The following ACCSL variants were observed in gnomAD, a reference collection of about 807,000 sequenced individuals.
The protein encoded by ACCSL is 1-aminocyclopropane-1-carboxylate synthase homolog (inactive) like.
ACCSL carries 55 observed loss-of-function variants against 61.7 expected under a neutral mutation model. The observed-to-expected ratio is 0.89, with a 90% CI of 0.72 to 1.12. ACCSL has a LOEUF of 1.12. Among genes scored for constraint, ACCSL ranks in the 50% most tolerant of loss-of-function variants. ACCSL has a pLI of 0.00. For synonymous variants in ACCSL, 258 were observed against 264.3 expected (o/e 0.98, Z 0.23); for missense variants, 632 against 698.0 (o/e 0.91, Z 1.07).
chr11:44,055,224 G>A lies in ACCSL; in HGVS notation c.1072G>A (p.Asp358Asn). The A allele has an allele frequency of 6.2e-7, 1 of 1,611,764 alleles. No individual in the cohort carries two copies. Among genetic ancestry groups the A allele is most frequent in the South Asian group, 1.1e-5 (1 of 90,828 alleles). ...CAGGTATAACCTACATGTGATCATA[G>A]ATGAGATTTACATGCTGTCTGTGTT... ...AKRYNLHVIIDEIYMLSVFDE... is the reference protein window; with the variant it reads ...AKRYNLHVIINEIYMLSVFDE... Residue 358 changes from aspartate (D) to asparagine (N), a missense_variant, in exon 9 of 14, where the codon GAT becomes AAT. Transcript: ENST00000378832.
intron 5 of ACCSL, among the ~76,000 whole-genome samples, chr11:44,052,348 C>T (rs1012140358): frequency 3.3e-5 from 5 of 152,200 alleles, no homozygotes; most frequent in African/African-American, 1.2e-4. Context: ...TGAGACTTTC[C>T]TGATAACCAT....
At chr11:43,968,818 G>T in the ACCSL span, among the ~76,000 whole-genome samples, 1 of 152,152 alleles carries the variant, frequency 6.6e-6, no homozygotes, top group Non-Finnish European at 1.5e-5. Context: ...TCAGCTTTGT[G>T]CAGGAAGTAG....
At chr11:43,977,711 G>C in the ACCSL span, among the ~76,000 whole-genome samples, 2 of 152,220 alleles carry the variant, frequency 1.3e-5, no homozygotes, top group African/African-American at 2.4e-5. Context: ...CAGGCATCCT[G>C]CCTAAAGATC....
chr11:44,032,928 G>T, the ACCSL span, among the ~76,000 whole-genome samples: 1 of 152,210 alleles, frequency 6.6e-6, no homozygotes, highest in Non-Finnish European at 1.5e-5. Context: ...CGCGGGTGGA[G>T]ACTTCTCTAC....
chr11:43,939,223 T>C, the ACCSL span, among the ~76,000 whole-genome samples: 1 of 152,220 alleles, frequency 6.6e-6, no homozygotes, highest in East Asian at 1.9e-4. Flanking sequence ...AGGTGACATT[T>C]GCAATAAATA....
chr11:43,953,161 C>A, the ACCSL span, among the ~76,000 whole-genome samples: 1 of 152,286 alleles, frequency 6.6e-6, no homozygotes, highest in East Asian at 1.9e-4. Flanking sequence ...ATCAGGCATT[C>A]TTTGTTACAG....
the ACCSL span, among the ~76,000 whole-genome samples, chr11:43,996,753 A>G: frequency 0.86 from 129,737 of 151,554 alleles, 55,650 homozygotes; most frequent in African/African-American, 0.91. Context: ...CTCAGCTGGG[A>G]CAGCTTTGAT....
At chr11:44,016,242 C>G in the ACCSL span, among the ~76,000 whole-genome samples, 1 of 152,262 alleles carries the variant, frequency 6.6e-6, no homozygotes, top group African/African-American at 2.4e-5. Flanking sequence ...GGACACAGAT[C>G]CTGCAGCATT....
chr11:43,988,644 G>GGGGTCTGTAA, the ACCSL span, among the ~76,000 whole-genome samples: 2 of 152,090 alleles, frequency 1.3e-5, no homozygotes, highest in East Asian at 3.9e-4. Flanking sequence ...CTAAGCTGCT[G>GGGGTCTGTAA]GGGTCTGTCA....
chr11:44,037,903 C>T, the ACCSL span, among the ~76,000 whole-genome samples: 2 of 151,922 alleles, frequency 1.3e-5, no homozygotes, highest in African/African-American at 4.8e-5. Context: ...ATCCATCCAT[C>T]CATCCACTTG....
the ACCSL span, among the ~76,000 whole-genome samples, chr11:43,950,939 TAAA>T: frequency 6.6e-6 from 1 of 152,234 alleles, no homozygotes; most frequent in African/African-American, 2.4e-5. Flanking sequence ...ACAAAAACTC[TAAA>T]ACATAAGGCA....
the ACCSL span, among the ~76,000 whole-genome samples, chr11:44,013,286 T>C: frequency 1.3e-5 from 2 of 152,214 alleles, no homozygotes; most frequent in Non-Finnish European, 2.9e-5. Flanking sequence ...CTTTTTCCTT[T>C]TTTTTGGAGA....
At chr11:44,010,158 T>C in the ACCSL span, among the ~76,000 whole-genome samples, 24 of 152,104 alleles carry the variant, frequency 1.6e-4, no homozygotes, top group Non-Finnish European at 2.9e-5. Flanking sequence ...CTGACCAACA[T>C]GGAGAAACCC....
the ACCSL span, among the ~76,000 whole-genome samples, chr11:44,008,755 C>CACCT: frequency 2.0e-5 from 3 of 152,244 alleles, no homozygotes; most frequent in African/African-American, 7.2e-5. Flanking sequence ...ATGTGCTGAA[C>CACCT]ACCTACCAAG....
chr11:44,016,456 G>C, the ACCSL span, among the ~76,000 whole-genome samples: 1 of 152,164 alleles, frequency 6.6e-6, no homozygotes, highest in Non-Finnish European at 1.5e-5. Flanking sequence ...ACTACAACAG[G>C]ATTGGAAAGG....
At chr11:44,052,213 G>A (rs1443891241) in intron 5 of ACCSL, among the ~76,000 whole-genome samples, 1 of 152,248 alleles carries the variant, frequency 6.6e-6, no homozygotes, top group African/African-American at 2.4e-5. Flanking sequence ...CTGCAAAGGA[G>A]CTTCTCTCAG....
the ACCSL span, among the ~76,000 whole-genome samples, chr11:43,967,798 A>G: frequency 6.6e-6 from 1 of 152,132 alleles, no homozygotes; most frequent in Non-Finnish European, 1.5e-5. Context: ...ATGCCCAGCT[A>G]TTGGTAGAAG....
chr11:43,998,259 C>T, the ACCSL span, among the ~76,000 whole-genome samples: 6 of 152,154 alleles, frequency 3.9e-5, no homozygotes, highest in African/African-American at 1.4e-4. Flanking sequence ...CGTGGAAATG[C>T]TTCCTGAACT....
chr11:44,058,634 A>G lies in ACCSL; in HGVS notation c.1559A>G (p.Tyr520Cys). The G allele has an allele frequency of 1.2e-6, 2 of 1,614,086 alleles. No individual in the cohort carries two copies. Among genetic ancestry groups the G allele is most frequent in the African/African-American group, 1.3e-5 (1 of 75,004 alleles). ...NKLLLSRGKT[Y>C]MCKEPGWFCL... ...CTATTGTTATCCCGTGGCAAAACCT[A>G]CATGTGTAAGGAGCCAGGCTGGTTC... is the stretch of plus-strand genomic sequence containing the variant. Residue 520 changes from tyrosine to cysteine, a missense_variant, in exon 13 of 14, where the codon TAC becomes TGC. Physicochemically the swap from Tyr to Cys is radical, Grantham distance 194. Coordinates refer to ENST00000378832, the MANE Select transcript of ACCSL (RefSeq NM_001031854.2).
Sources: allele counts gnomAD v4.1 joint callset (sites outside exome capture counted in the v4.1 genomes callset), GRCh38; gene constraint gnomAD v4.1.1; transcripts MANE v1.5; gene names NCBI Gene and HGNC (gene_info 2026-07-23, HGNC 2026-07-21).